The following DPYD variants were observed in gnomAD, a reference collection of about 807,000 sequenced individuals.
DPYD encodes the protein dihydropyrimidine dehydrogenase [NADP(+)].
A neutral mutation model predicts 116.2 loss-of-function variants in DPYD; 109 were observed. That is an observed-to-expected ratio of 0.94 (90% CI 0.80 to 1.10). The LOEUF is 1.10. DPYD is among the 50% of genes least tolerant of loss of function. DPYD has a pLI of 0.00. For missense variants in DPYD, 1,302 were observed against 1,254.5 expected (o/e 1.04, Z -0.57); for synonymous variants, 440 against 432.0 (o/e 1.02, Z -0.23).
chr1:97,362,897 G>A (rs1478832090), intron 16 of DPYD, among the ~76,000 whole-genome samples: 3 of 152,134 alleles, frequency 2.0e-5, no homozygotes, highest in African/African-American at 7.2e-5. Context: ...GCATGGGAAA[G>A]GACTTCATGT....
At chr1:97,432,754 G>A (rs928112317) in intron 14 of DPYD, among the ~76,000 whole-genome samples, 2 of 152,032 alleles carry the variant, frequency 1.3e-5, no homozygotes, top group Non-Finnish European at 2.9e-5. Flanking sequence ...TCTCTTATTA[G>A]GCTGCTAATT....
At chr1:97,495,179 G>A (rs749210874) in intron 13 of DPYD, among the ~76,000 whole-genome samples, 2 of 152,096 alleles carry the variant, frequency 1.3e-5, no homozygotes, top group Non-Finnish European at 2.9e-5. Context: ...CTAAGAGAAA[G>A]TTAAGATGAG....
chr1:97,855,253 G>C (rs1172271470), intron 2 of DPYD: 1 of 152,272 alleles, frequency 6.6e-6, no homozygotes, highest in Non-Finnish European at 1.5e-5. Flanking sequence ...AGAACGTGTT[G>C]TTGGCCATGG....
intron 8 of DPYD, among the ~76,000 whole-genome samples, chr1:97,637,802 A>G (rs1158682150): frequency 2.6e-5 from 4 of 152,186 alleles, no homozygotes; most frequent in African/African-American, 7.2e-5. Flanking sequence ...TTCCTTTAAA[A>G]TATTTCAGGA....
chr1:97,831,339 C>T (rs940965129), intron 2 of DPYD, among the ~76,000 whole-genome samples: 2 of 152,166 alleles, frequency 1.3e-5, no homozygotes, highest in East Asian at 1.9e-4. Context: ...TTCACTGTCA[C>T]GTTTACCACC....
chr1:97,539,489 A>AAC, intron 12 of DPYD, among the ~76,000 whole-genome samples: 1 of 151,968 alleles, frequency 6.6e-6, no homozygotes, highest in Non-Finnish European at 1.5e-5. Flanking sequence ...TTTGTCTCTC[A>AAC]ATATATATAT....
At position 97,696,826 on chromosome 1, in the gene DPYD, T is replaced by A. The variant is rs144970217; in HGVS notation, c.680+2525A>T. ...ATAATAGACTTAAATTTGTAATACA[T>A]CACACATTCTCAAAATATTTCCTAT... On this transcript the variant is annotated intron_variant, in intron 6 of 22. Coordinates refer to ENST00000370192, the MANE Select transcript of DPYD (RefSeq NM_000110.4). Among the ~76,000 whole-genome samples the A allele has an allele frequency of 8.9e-4, 136 of 152,276 alleles. 2 individuals carry two copies. Among genetic ancestry groups the A allele is most frequent in the Admixed American group, 2.5e-3 (39 of 15,296 alleles).
intron 12 of DPYD, chr1:97,546,260 A>C: frequency 2.0e-6 from 3 of 1,491,010 alleles, no homozygotes; most frequent in Non-Finnish European, 2.8e-6. Flanking sequence ...CTAAATCAAA[A>C]AAAAAGAAAC....
intron 20 of DPYD, among the ~76,000 whole-genome samples, chr1:97,165,019 A>G (rs993028520): frequency 5.9e-5 from 9 of 152,046 alleles, no homozygotes; most frequent in Admixed American, 2.0e-4. Context: ...CAATGTACAG[A>G]TTCAATGCTA....
At chr1:97,788,422 G>C (rs1484526348) in intron 3 of DPYD, among the ~76,000 whole-genome samples, 1 of 152,100 alleles carries the variant, frequency 6.6e-6, no homozygotes, top group African/African-American at 2.4e-5. Context: ...CTTAGCTGAC[G>C]ATCAGTACCA....
At chr1:97,559,610 A>T (rs1651994032) in intron 11 of DPYD, among the ~76,000 whole-genome samples, 1 of 151,706 alleles carries the variant, frequency 6.6e-6, no homozygotes, top group Non-Finnish European at 1.5e-5. Flanking sequence ...TTAGCAGCTC[A>T]TTAATGTTAT....
At position 97,520,397 on chromosome 1, in the gene DPYD, C is replaced by T. The variant is rs187885354; in HGVS notation, c.1525-4456G>A. Among the ~76,000 whole-genome samples, 646 of 152,272 alleles carry T rather than the reference C, an allele frequency of 4.2e-3. 2 individuals carry two copies. Among genetic ancestry groups the T allele is most frequent in the Middle Eastern group, 0.034 (10 of 294 alleles). The stretch of plus-strand genomic sequence containing the variant: ...TCCTTCCAAACTCAACTGATTCATT[C>T]AAGCATATACTTCTTGGGACATTTC... On this transcript the variant is annotated intron_variant, in intron 12 of 22. Transcript: ENST00000370192.
intron 20 of DPYD, among the ~76,000 whole-genome samples, chr1:97,150,713 C>T (rs1157483476): frequency 6.6e-6 from 1 of 152,162 alleles, no homozygotes; most frequent in Non-Finnish European, 1.5e-5. Flanking sequence ...GTGAGACATG[C>T]TTCTTTCTAG....
intron 16 of DPYD, among the ~76,000 whole-genome samples, chr1:97,312,781 T>C (rs1043454815): frequency 5.9e-5 from 9 of 151,988 alleles, no homozygotes; most frequent in African/African-American, 2.2e-4. Flanking sequence ...TTCCATATTT[T>C]GAATGTGGTA....
At chr1:97,637,400 T>C (rs1350866923) in intron 8 of DPYD, among the ~76,000 whole-genome samples, 1 of 152,140 alleles carries the variant, frequency 6.6e-6, no homozygotes, top group South Asian at 2.1e-4. Context: ...AGCTCCTTTA[T>C]GCATATGAAT....
At chr1:97,736,835 T>G (rs934007495) in intron 4 of DPYD, among the ~76,000 whole-genome samples, 1 of 141,808 alleles carries the variant, frequency 7.1e-6, no homozygotes, top group Admixed American at 7.3e-5. Flanking sequence ...GAGGTGGGGG[T>G]GTGTGTGTGT....
At chr1:97,210,052 G>T (rs1275343679) in intron 19 of DPYD, among the ~76,000 whole-genome samples, 1 of 152,070 alleles carries the variant, frequency 6.6e-6, no homozygotes, top group Non-Finnish European at 1.5e-5. Context: ...GTTTAACTTG[G>T]AGCATTTATA....
At chr1:97,697,085 T>G (rs1265103996) in intron 6 of DPYD, among the ~76,000 whole-genome samples, 1 of 152,134 alleles carries the variant, frequency 6.6e-6, no homozygotes. Flanking sequence ...TTGTTTATCT[T>G]TGTTATAATA....
chr1:97,573,259 A>G (rs577491787), intron 11 of DPYD, among the ~76,000 whole-genome samples: 8 of 152,028 alleles, frequency 5.3e-5, no homozygotes, highest in Non-Finnish European at 1.0e-4. Flanking sequence ...TAGCATGCTC[A>G]TTTATGCCAT....
Sources: gnomAD v4.1 joint callset for allele counts (sites outside exome capture counted in the v4.1 genomes callset) on GRCh38, gnomAD v4.1.1 for gene constraint, MANE v1.5 for transcripts, NCBI Gene and HGNC (gene_info 2026-07-23, HGNC 2026-07-21) for gene names.